The following SNX29 variants were observed in gnomAD, a reference collection of about 807,000 sequenced individuals.
SNX29 encodes the protein sorting nexin-29.
In SNX29, 78 loss-of-function variants were observed where a neutral mutation model predicts 102.1. The observed-to-expected ratio is 0.76, with a 90% CI of 0.64 to 0.92. The LOEUF (loss-of-function observed/expected upper bound fraction) is 0.92, where lower values mean the gene tolerates loss of function less well. SNX29 is among the 40% of genes least tolerant of loss of function. The pLI is 0.00. For missense variants in SNX29, 1,280 were observed against 1,061.7 expected (o/e 1.21, Z -2.86); for synonymous variants, 580 against 414.5 (o/e 1.40, Z -4.85).
chr16:12,482,415 C>A (rs2087990188), intron 19 of SNX29, among the ~76,000 whole-genome samples: 1 of 152,290 alleles, frequency 6.6e-6, no homozygotes, highest in South Asian at 2.1e-4. Context: ...GACCCTCTTG[C>A]TTCAGCCTCC....
At chr16:12,254,665 G>T (rs1442804840) in intron 14 of SNX29, among the ~76,000 whole-genome samples, 1 of 151,906 alleles carries the variant, frequency 6.6e-6, no homozygotes, top group Non-Finnish European at 1.5e-5. Flanking sequence ...AAAGGTGAAG[G>T]ACTGACCAGG....
At chr16:12,198,384 G>A (rs2076831104) in intron 13 of SNX29, among the ~76,000 whole-genome samples, 1 of 152,156 alleles carries the variant, frequency 6.6e-6, no homozygotes, top group African/African-American at 2.4e-5. Context: ...TTTATTTCAA[G>A]GTATTGGGGT....
intron 19 of SNX29, among the ~76,000 whole-genome samples, chr16:12,479,564 C>T (rs993683469): frequency 1.3e-4 from 20 of 152,280 alleles, no homozygotes; most frequent in Non-Finnish European, 2.6e-4. Flanking sequence ...AGCTGAACCA[C>T]TACACGTGGC....
intron 15 of SNX29, among the ~76,000 whole-genome samples, chr16:12,335,155 A>G (rs1040869635): frequency 5.3e-5 from 8 of 152,132 alleles, no homozygotes; most frequent in South Asian, 2.1e-4. Context: ...AGGGGCTGCA[A>G]TCTCCAGGAA....
At chr16:12,557,807 T>C (rs2078464202) in intron 20 of SNX29, 1 of 152,364 alleles carries the variant, frequency 6.6e-6, no homozygotes, top group African/African-American at 2.4e-5. Context: ...ATCACTATCA[T>C]ATCTGCAGTC....
Position 12,572,220 on chromosome 16 carries a change from C to A in SNX29, c.*3591C>A. The stretch of plus-strand genomic sequence containing the variant: ...AGTATTGTGCTTTAAAAACCAGAGG[C>A]TCCTGAAAGTCGTTTACACCAGGTG... On this transcript the variant is annotated 3_prime_UTR_variant, in exon 21 of 21. Coordinates refer to ENST00000566228, the MANE Select transcript of SNX29 (RefSeq NM_032167.5). The A allele has an allele frequency of 1.0e-6, 1 of 1,000,542 alleles. No homozygotes were observed. Among genetic ancestry groups the A allele is most frequent in the Non-Finnish European group, 1.2e-6 (1 of 820,966 alleles). The allele number at this position is 1,000,542 out of a possible 1,614,324, so 62.0% of individuals were successfully genotyped here. A position where few individuals can be genotyped will look rare whatever the true frequency, so the allele number is the denominator to read the frequency against.
At chr16:12,302,193 C>T (rs992621845) in intron 15 of SNX29, among the ~76,000 whole-genome samples, 1 of 152,178 alleles carries the variant, frequency 6.6e-6, no homozygotes. Flanking sequence ...TAACTATTCA[C>T]CTCCGTCAAA....
intron 2 of SNX29, among the ~76,000 whole-genome samples, chr16:12,000,781 C>G (rs2056259757): frequency 6.6e-6 from 1 of 152,168 alleles, no homozygotes; most frequent in African/African-American, 2.4e-5. Flanking sequence ...AGGCTTTTGG[C>G]TCAGACGTAG....
At chr16:12,353,006 G>A (rs1026032486) in intron 15 of SNX29, among the ~76,000 whole-genome samples, 30 of 152,160 alleles carry the variant, frequency 2.0e-4, no homozygotes, top group Non-Finnish European at 4.4e-5. Flanking sequence ...GGCATGGGAG[G>A]CTGCCTGGCA....
chr16:12,510,051 C>T (rs1441579499), intron 19 of SNX29, among the ~76,000 whole-genome samples: 1 of 152,246 alleles, frequency 6.6e-6, no homozygotes, highest in African/African-American at 2.4e-5. Context: ...TGTTGCAGCT[C>T]CAGCCATGTG....
Position 12,235,785 on chromosome 16 carries a change from T to TTGTGTG in SNX29, c.1678+36122_1678+36127dup, listed in dbSNP as rs71408254. Reference sequence around the variant, plus strand: ...GGTGGATGAAAACATGGGTTGTAAATTGTGTGTGTGTGTGTGTGTGTGTGT... The same window carrying TTGTGTG: ...GGTGGATGAAAACATGGGTTGTAAATTGTGTGTGTGTGTGTGTGTGTGTGTGTGTGT... On this transcript the variant is annotated intron_variant, in intron 14 of 20. Coordinates refer to ENST00000566228, the MANE Select transcript of SNX29 (RefSeq NM_032167.5). Among the ~76,000 whole-genome samples, 1,371 of 147,992 alleles carry TTGTGTG rather than the reference T, an allele frequency of 9.3e-3. 19 individuals carry two copies. Among genetic ancestry groups the TTGTGTG allele is most frequent in the African/African-American group, 0.032 (1,283 of 40,534 alleles).
At chr16:12,099,562 C>T (rs1346675450) in intron 11 of SNX29, among the ~76,000 whole-genome samples, 2 of 152,156 alleles carry the variant, frequency 1.3e-5, no homozygotes, top group African/African-American at 2.4e-5. Flanking sequence ...GCCCTTGGCT[C>T]TTGGGTCCCC....
At chr16:12,074,117 T>C (rs1234231274) in intron 10 of SNX29, among the ~76,000 whole-genome samples, 1 of 151,284 alleles carries the variant, frequency 6.6e-6, no homozygotes, top group Non-Finnish European at 1.5e-5. Flanking sequence ...TCTTGACTCT[T>C]TATCCAATTT....
intron 18 of SNX29, among the ~76,000 whole-genome samples, chr16:12,424,207 G>A (rs78074407): frequency 0.012 from 1,786 of 152,302 alleles, 41 homozygotes; most frequent in African/African-American, 0.04. Flanking sequence ...TCTCTATCAC[G>A]GGTAAAATGA....
chr16:12,203,847 G>A (rs1211263988), intron 14 of SNX29, among the ~76,000 whole-genome samples: 2 of 152,208 alleles, frequency 1.3e-5, no homozygotes, highest in Non-Finnish European at 2.9e-5. Flanking sequence ...GGGTCTGTCC[G>A]TGTCACATGG....
chr16:12,017,197 C>G (rs1444483792), intron 3 of SNX29, among the ~76,000 whole-genome samples: 1 of 152,130 alleles, frequency 6.6e-6, no homozygotes, highest in African/African-American at 2.4e-5. Context: ...TATTTCTATT[C>G]CTATTGGCAA....
At chr16:12,352,542 A>G (rs1273425817) in intron 15 of SNX29, among the ~76,000 whole-genome samples, 2 of 152,264 alleles carry the variant, frequency 1.3e-5, no homozygotes, top group Admixed American at 1.3e-4. Context: ...GATGTTGCCA[A>G]ATAGGCAAGT....
In SNX29 at chr16:12,097,710, G is replaced by T. The variant is rs528860914; in HGVS notation, c.1402+18795G>T. On this transcript the variant is annotated intron_variant, in intron 11 of 20. Coordinates refer to ENST00000566228, the MANE Select transcript of SNX29 (RefSeq NM_032167.5). The stretch of plus-strand genomic sequence containing the variant: ...CTTTTGGTCTGGAGGTTTCTAGCCG[G>T]CTATCTCAGCTGGGCCAGGCAGCAG... Among the ~76,000 whole-genome samples the T allele has an allele frequency of 2.6e-3, 395 of 152,292 alleles. 1 individual carries two copies. The highest frequency in any genetic ancestry group is 4.4e-3 in the Non-Finnish European group (298 of 68,020).
At chr16:12,289,795 T>G (rs1390825341) in intron 15 of SNX29, among the ~76,000 whole-genome samples, 1 of 152,076 alleles carries the variant, frequency 6.6e-6, no homozygotes, top group African/African-American at 2.4e-5. Flanking sequence ...AGGCGGGAAG[T>G]GGCTTCAAGA....
Sources: gnomAD v4.1 joint callset for allele counts (sites outside exome capture counted in the v4.1 genomes callset) on GRCh38, gnomAD v4.1.1 for gene constraint, MANE v1.5 for transcripts, NCBI Gene and HGNC (gene_info 2026-07-23, HGNC 2026-07-21) for gene names.